The following GIGYF2 variants were observed in gnomAD, a reference collection of about 807,000 sequenced individuals.
GIGYF2 encodes GRB10 interacting GYF protein 2.
In GIGYF2, 25 loss-of-function variants were observed where a neutral mutation model predicts 208.1. That is an observed-to-expected ratio of 0.12 (90% CI 0.09 to 0.17). GIGYF2 has a LOEUF of 0.17. GIGYF2 is among the 10% of genes least tolerant of loss of function. The pLI, the probability that GIGYF2 is intolerant of heterozygous loss-of-function variation, is 1.00. For missense variants in GIGYF2, 1,302 were observed against 1,579.4 expected (o/e 0.82, Z 2.98); for synonymous variants, 534 against 543.8 (o/e 0.98, Z 0.25).
rs148182811 is a variant in GIGYF2 at position 232,791,609 on chromosome 2, G to A, written c.1282+163G>A. Reference sequence around the variant, plus strand: ...AACCCAGTCAAACAGTGCTTCTCACGTATGTGTCCATCTCAGAATTACCAA... The same window carrying A: ...AACCCAGTCAAACAGTGCTTCTCACATATGTGTCCATCTCAGAATTACCAA... On this transcript the variant is annotated intron_variant, in intron 12 of 28. Transcript: ENST00000373563. Among the ~76,000 whole-genome samples, 580 of 152,282 alleles carry A rather than the reference G, an allele frequency of 3.8e-3. 7 individuals are homozygous for A. Among genetic ancestry groups the A allele is most frequent in the Middle Eastern group, 0.014 (4 of 294 alleles).
At position 232,748,812 on chromosome 2, in the gene GIGYF2, ACT is replaced by A. The variant is rs530287525; in HGVS notation, c.172-169_172-168del. 9.2e-5 allele frequency among the ~76,000 whole-genome samples: 14 copies of A among 152,140 alleles called. No homozygotes were observed. In the East Asian group the frequency reaches 2.7e-3, roughly 29 times the overall value. On this transcript the variant is annotated intron_variant, in intron 4 of 28. Coordinates refer to ENST00000373563, the MANE Select transcript of GIGYF2 (RefSeq NM_001103146.3). ...GTATTGACTGGGGTTTTTAATATTG[ACT>A]CTCTCAAAATGTATAAGGACTATAG...
At chr2:232,729,700 T>C (rs969985455) in intron 2 of GIGYF2, 1 of 776,968 alleles carries the variant, frequency 1.3e-6, no homozygotes, top group Non-Finnish European at 2.3e-6. Flanking sequence ...CTAAGCCATC[T>C]GCTTGAATGC....
intron 27 of GIGYF2, 31 bp downstream of exon 27, chr2:232,847,602 C>A: frequency 6.2e-7 from 1 of 1,610,304 alleles, no homozygotes; most frequent in Non-Finnish European, 8.5e-7. Flanking sequence ...TGCGGTACCT[C>A]TGAGGATTAA....
Position 232,839,957 on chromosome 2 carries a change from C to A in GIGYF2, c.2875C>A (p.Gln959Lys), listed in dbSNP as rs756439422. 6.2e-7 allele frequency: 1 copy of A among 1,613,986 alleles called. No individual in the cohort carries two copies. ...IQKLEEERER[Q>K]LREEQRRQQR... ...AAAACTAGAGGAAGAACGAGAACGG[C>A]AGCTTCGAGAAGAGGTAAAATTTTA... Residue 959 changes from glutamine (Q) to lysine (K), a missense_variant, in exon 23 of 29, where the codon CAG becomes AAG. Transcript: ENST00000373563.
intron 22 of GIGYF2, among the ~76,000 whole-genome samples, chr2:232,836,311 T>A (rs1169978516): frequency 0.24 from 7,316 of 30,420 alleles, 2,050 homozygotes; most frequent in Non-Finnish European, 0.32. Flanking sequence ...TATATATATA[T>A]ATATATATAT....
intron 21 of GIGYF2, among the ~76,000 whole-genome samples, chr2:232,827,851 G>A (rs1242607226): frequency 6.6e-6 from 1 of 151,964 alleles, no homozygotes; most frequent in African/African-American, 2.4e-5. Flanking sequence ...CTTTAATTAC[G>A]TGTCACACTT....
At chr2:232,732,761 T>TG (rs1195439994) in intron 2 of GIGYF2, among the ~76,000 whole-genome samples, 1 of 151,940 alleles carries the variant, frequency 6.6e-6, no homozygotes, top group African/African-American at 2.4e-5. Flanking sequence ...CCACCTCAGC[T>TG]GGGACTACAG....
At chr2:232,778,937 G>A (rs528219825) in intron 8 of GIGYF2, among the ~76,000 whole-genome samples, 2 of 152,152 alleles carry the variant, frequency 1.3e-5, no homozygotes, top group Non-Finnish European at 2.9e-5. Flanking sequence ...TGAAATTCTA[G>A]GGAGGGGACA....
intron 8 of GIGYF2, among the ~76,000 whole-genome samples, chr2:232,764,219 A>C (rs1698858529): frequency 6.6e-6 from 1 of 152,246 alleles, no homozygotes; most frequent in South Asian, 2.1e-4. Flanking sequence ...ACAGAATTTA[A>C]GGAGTGGCTG....
chr2:232,859,634 T>TG lies in GIGYF2; in HGVS notation c.*2778dup, dbSNP rs1690701506. 1 of 152,326 alleles carries TG rather than the reference T, an allele frequency of 6.6e-6. No individual in the cohort carries two copies. Among genetic ancestry groups the TG allele is most frequent in the Non-Finnish European group, 1.5e-5 (1 of 68,192 alleles). 9.4% of individuals were successfully genotyped at this position (152,326 alleles called of 1,614,324 possible). A position where few individuals can be genotyped will look rare whatever the true frequency, so the allele number is the denominator to read the frequency against. ...GGGCTCAGCTGGGTGGTGGTTCTCC[T>TG]GGGGTATTCTTTGGTTGTGGTCAGA... On this transcript the variant is annotated 3_prime_UTR_variant, in exon 29 of 29. Coordinates refer to ENST00000373563, the MANE Select transcript of GIGYF2 (RefSeq NM_001103146.3).
At chr2:232,838,027 C>A (rs1438296366) in intron 22 of GIGYF2, among the ~76,000 whole-genome samples, 1 of 152,072 alleles carries the variant, frequency 6.6e-6, no homozygotes, top group Non-Finnish European at 1.5e-5. Context: ...CACTGCAGTT[C>A]TCCTGAGTGG....
chr2:232,776,998 T>C (rs1699541552), intron 8 of GIGYF2, among the ~76,000 whole-genome samples: 1 of 152,134 alleles, frequency 6.6e-6, no homozygotes, highest in South Asian at 2.1e-4. Context: ...CATAAATTAA[T>C]GCATTGATTT....
chr2:232,757,565 G>A (rs894590065), intron 6 of GIGYF2, among the ~76,000 whole-genome samples: 2 of 152,104 alleles, frequency 1.3e-5, no homozygotes, highest in Non-Finnish European at 2.9e-5. Flanking sequence ...GTTTCGAGTT[G>A]GGACTGACCA....
In GIGYF2 at chr2:232,796,169, G is replaced by A; in HGVS notation, c.1587G>A (p.Met529Ile). 9 of 1,598,630 alleles carry A rather than the reference G, an allele frequency of 5.6e-6. No individual in the cohort carries two copies. The highest frequency in any genetic ancestry group is 7.7e-6 in the Non-Finnish European group (9 of 1,165,862). Residue 529 changes from methionine (M) to isoleucine (I), a missense_variant, in exon 14 of 29, where the codon ATG becomes ATA. Met to Ile is a conservative substitution (Grantham distance 10). Around this residue, in one of 8 missense-constraint regions of GIGYF2, gnomAD observed 69 missense variants for 132.8 expected, o/e 0.52. Coordinates refer to ENST00000373563, the MANE Select transcript of GIGYF2 (RefSeq NM_001103146.3). ...CTAAAGGAGTGTCGATTCCATTGAT[G>A]CATGAAGCAATGCAGAAGTGGTATT... is the stretch of plus-strand genomic sequence containing the variant. The part of the protein sequence containing the change: ...HRAKGVSIPL[M>I]HEAMQKWYYK...
In GIGYF2 at chr2:232,859,911, A is replaced by G. The variant is rs1001061018; in HGVS notation, c.*3051A>G. 4 of 152,264 alleles carry G rather than the reference A, an allele frequency of 2.6e-5. No individual in the cohort carries two copies. The highest frequency in any genetic ancestry group is 2.0e-4 in the Admixed American group (3 of 15,282). 9.4% of individuals were successfully genotyped at this position (152,264 alleles called of 1,614,324 possible). A position where few individuals can be genotyped will look rare whatever the true frequency, so the allele number is the denominator to read the frequency against. ...TTTGAGCTCTTAGCTCAGGAGTCAC[A>G]TAGAGTCACTTCTGTGACACTGTGT... On this transcript the variant is annotated 3_prime_UTR_variant, in exon 29 of 29. Coordinates refer to ENST00000373563, the MANE Select transcript of GIGYF2 (RefSeq NM_001103146.3).
Position 232,858,472 on chromosome 2 carries a change from G to A in GIGYF2, c.*1612G>A, listed in dbSNP as rs1284. On this transcript the variant is annotated 3_prime_UTR_variant, in exon 29 of 29. Coordinates refer to ENST00000373563, the MANE Select transcript of GIGYF2 (RefSeq NM_001103146.3). The stretch of plus-strand genomic sequence containing the variant: ...ATGAGGGGAGAGGAAACCATTAAAA[G>A]TTGGGGCTCCTACTCTCCTTTGCTT... 0.82 allele frequency: 372,892 copies of A among 455,306 alleles called. 153,746 individuals are homozygous for A. Among genetic ancestry groups the A allele is most frequent in the Admixed American group, 0.87 (36,860 of 42,206 alleles). 28.2% of individuals were successfully genotyped at this position (455,306 alleles called of 1,614,324 possible).
intron 28 of GIGYF2, among the ~76,000 whole-genome samples, chr2:232,851,195 T>A (rs943386130): frequency 6.6e-6 from 1 of 152,128 alleles, no homozygotes; most frequent in African/African-American, 2.4e-5. Context: ...TGCCCACCTA[T>A]AGTCCCAGCT....
chr2:232,699,697 A>C (rs945450396), intron 1 of GIGYF2, among the ~76,000 whole-genome samples: 1 of 152,196 alleles, frequency 6.6e-6, no homozygotes, highest in African/African-American at 2.4e-5. Context: ...GGAAATTAGA[A>C]ATTTTCCTTT....
intron 13 of GIGYF2, 27 bp downstream of exon 13, chr2:232,794,971 C>G (rs767302015): frequency 1.2e-5 from 19 of 1,524,892 alleles, no homozygotes; most frequent in Non-Finnish European, 1.6e-5. Context: ...TTCTTTTTGT[C>G]TCCTCTTAAA....
Sources: gnomAD v4.1 joint callset for allele counts (sites outside exome capture counted in the v4.1 genomes callset) on GRCh38, gnomAD v4.1.1 for gene constraint, gnomAD v4.1.1 regional missense constraint, MANE v1.5 for transcripts, NCBI Gene and HGNC (gene_info 2026-07-23, HGNC 2026-07-21) for gene names.